PSG11: variants seen among roughly 807,000 people sequenced by gnomAD.
PSG11 encodes the protein pregnancy specific beta-1-glycoprotein 11.
In PSG11, 42 loss-of-function variants were observed where a neutral mutation model predicts 36.0. That is an observed-to-expected ratio of 1.17 (90% CI 0.91 to 1.51). The LOEUF (loss-of-function observed/expected upper bound fraction) is 1.51. PSG11 is among the 40% of genes most tolerant of loss of function. The pLI is 0.00. For synonymous variants in PSG11, 206 were observed against 153.5 expected (o/e 1.34, Z -2.53); for missense variants, 558 against 403.5 (o/e 1.38, Z -3.28).
intron 3 of PSG11, chr19:43,015,654 G>T: frequency 6.5e-7 from 1 of 1,528,294 alleles, no homozygotes; most frequent in Non-Finnish European, 8.8e-7. Flanking sequence ...TGGCCACCTC[G>T]GATGTCCAAA....
chr19:43,014,790 A>T (rs6509053), intron 4 of PSG11: 581,772 of 1,198,840 alleles, frequency 0.49, 152,000 homozygotes, highest in East Asian at 1. Flanking sequence ...GAAGGGGATG[A>T]GTTGGTGACA....
chr19:43,008,157 A>G (rs971395554), intron 5 of PSG11, 115 bp from the exon 6 acceptor site: 17 of 291,330 alleles, frequency 5.8e-5, no homozygotes, highest in African/African-American at 3.1e-4. Context: ...AAATCTAATG[A>G]GAATTTATTA....
chr19:43,009,257 C>T (rs1974011026), intron 5 of PSG11, among the ~76,000 whole-genome samples: 1 of 151,262 alleles, frequency 6.6e-6, no homozygotes, highest in African/African-American at 2.4e-5. Flanking sequence ...AGTCTTTGTT[C>T]TCCACGAGGT....
At chr19:43,014,678 G>A (rs1966912993) in intron 4 of PSG11, 1 of 1,173,586 alleles carries the variant, frequency 8.5e-7, no homozygotes, top group African/African-American at 1.6e-5. Flanking sequence ...CTCACCCAAG[G>A]GGCTTCCTCC....
chr19:43,019,296 G>A, intron 2 of PSG11: 1 of 806,188 alleles, frequency 1.2e-6, no homozygotes. Context: ...TTGGGTCATG[G>A]AAAGACACAG....
At chr19:43,018,051 T>C (rs933981180) in intron 3 of PSG11, among the ~76,000 whole-genome samples, 11 of 151,214 alleles carry the variant, frequency 7.3e-5, no homozygotes, top group African/African-American at 2.7e-4. Flanking sequence ...CAGGTGGCTC[T>C]TCCCTGATAG....
rs746811997 is a variant in PSG11, at chr19:43,014,578, A to T, written c.964+538T>A. ...GGCCACCAGGACTCTTTCTCCACAC[A>T]TGCTGGTCCCACCCCAGGTTGAGTG... On this transcript the variant is annotated intron_variant, in intron 4 of 5. Coordinates refer to ENST00000320078, the MANE Select transcript of PSG11 (RefSeq NM_002785.3). 7.9e-4 allele frequency: 798 copies of T among 1,007,060 alleles called. 25 individuals carry two copies. The highest frequency in any genetic ancestry group is 9.3e-4 in the Non-Finnish European group (783 of 841,966). 62.4% of individuals were successfully genotyped at this position (1,007,060 alleles called of 1,614,324 possible).
chr19:43,022,251 A>G (rs1225023552), intron 2 of PSG11, among the ~76,000 whole-genome samples: 5 of 151,446 alleles, frequency 3.3e-5, no homozygotes, highest in African/African-American at 9.7e-5. Flanking sequence ...TAACATCACT[A>G]TTGTAGAACG....
intron 2 of PSG11, among the ~76,000 whole-genome samples, chr19:43,024,271 C>G (rs970540205): frequency 6.6e-6 from 1 of 151,340 alleles, no homozygotes; most frequent in African/African-American, 2.4e-5. Context: ...TCAGCTTTAT[C>G]TGGAACAAGG....
chr19:43,018,694 G>A (rs59601362), intron 3 of PSG11, 76 bp downstream of exon 3: 1 of 1,609,902 alleles, frequency 6.2e-7, no homozygotes, highest in Non-Finnish European at 8.5e-7. Context: ...GACCTGAGAG[G>A]GACTGAGAGG....
chr19:43,014,942 A>T, intron 4 of PSG11, 174 bp downstream of exon 4: 1 of 1,488,444 alleles, frequency 6.7e-7, no homozygotes, highest in Non-Finnish European at 9.0e-7. Context: ...AAACAGAAAA[A>T]AAAGGAGAAG....
rs1361161273 is a variant in PSG11, at chr19:43,024,463, C to A, written c.430+228G>T. On this transcript the variant is annotated intron_variant, in intron 2 of 5. Coordinates refer to ENST00000320078, the MANE Select transcript of PSG11 (RefSeq NM_002785.3). ...CCTCCTGCTGAGTCCCCCCATCAGA[C>A]TGTCCTTCCTCTGCAGCGAGTGTCT... The A allele has an allele frequency of 3.3e-6, 2 of 614,596 alleles. 1 individual carries two copies. The highest frequency in any genetic ancestry group is 5.7e-6 in the Non-Finnish European group (2 of 351,240). 38.1% of individuals were successfully genotyped at this position (614,596 alleles called of 1,614,324 possible).
At chr19:43,011,893 C>T (rs1047944463) in intron 4 of PSG11, among the ~76,000 whole-genome samples, 7 of 142,558 alleles carry the variant, frequency 4.9e-5, no homozygotes, top group African/African-American at 1.8e-4. Context: ...GAGAGTCTGT[C>T]TCTCTCTCTT....
At chr19:43,018,511 G>A in intron 3 of PSG11, 1 of 833,268 alleles carries the variant, frequency 1.2e-6, no homozygotes, top group Non-Finnish European at 1.8e-6. Context: ...CACTGATCTG[G>A]AGCCTGAGAC....
At chr19:43,022,458 C>T (rs914111235) in intron 2 of PSG11, among the ~76,000 whole-genome samples, 4 of 151,312 alleles carry the variant, frequency 2.6e-5, no homozygotes, top group Non-Finnish European at 5.9e-5. Flanking sequence ...TAGTCCTGTG[C>T]CCCTGAAACT....
At position 43,023,138 on chromosome 19, in the gene PSG11, T is replaced by G. The variant is rs1353212895; in HGVS notation, c.430+1553A>C. On this transcript the variant is annotated intron_variant, in intron 2 of 5. Coordinates refer to ENST00000320078, the MANE Select transcript of PSG11 (RefSeq NM_002785.3). The stretch of plus-strand genomic sequence containing the variant: ...AGAACCCTCTGGTGGCCAAAGAGCT[T>G]CAGAGTTACATGAGGTGGGGTGGCT... 1.3e-5 allele frequency among the ~76,000 whole-genome samples: 2 copies of G among 150,106 alleles called. 1 individual carries two copies. The highest frequency in any genetic ancestry group is 3.9e-4 in the East Asian group (2 of 5,100).
At position 43,015,637 on chromosome 19, in the gene PSG11, G is replaced by A. The variant is rs1966944129; in HGVS notation, c.710-267C>T. ...GTCTACCCAAGTTTTCCCAGGGCAG[G>A]GAGTCATGGCCACCTCGGATGTCCA... On this transcript the variant is annotated intron_variant, in intron 3 of 5. Transcript: ENST00000320078. The A allele has an allele frequency of 1.3e-6, 2 of 1,497,638 alleles. 1 individual carries two copies. Among genetic ancestry groups the A allele is most frequent in the Non-Finnish European group, 1.8e-6 (2 of 1,120,100 alleles). 92.8% of individuals were successfully genotyped at this position (1,497,638 alleles called of 1,614,324 possible).
intron 4 of PSG11, among the ~76,000 whole-genome samples, chr19:43,012,344 A>C (rs1231828450): frequency 6.6e-6 from 1 of 151,476 alleles, no homozygotes; most frequent in Non-Finnish European, 1.5e-5. Context: ...ATTGGAAGGA[A>C]GGAGTAAAAT....
rs1248480753 is a variant in PSG11, at chr19:43,007,774, C to T, written c.*309G>A. On this transcript the variant is annotated 3_prime_UTR_variant, in exon 6 of 6. Transcript: ENST00000320078. ...TTCAATTTTTGTTTACAAAAGTATA[C>T]TTTACCAATTGCTGAAGAAAAAAAT... 3.9e-6 allele frequency: 1 copy of T among 258,814 alleles called. No individual in the cohort carries two copies. The highest frequency in any genetic ancestry group is 5.6e-5 in the Admixed American group (1 of 17,958). 16.0% of individuals were successfully genotyped at this position (258,814 alleles called of 1,614,324 possible).
Sources: gnomAD v4.1 joint callset for allele counts (sites outside exome capture counted in the v4.1 genomes callset) on GRCh38, gnomAD v4.1.1 for gene constraint, MANE v1.5 for transcripts, NCBI Gene and HGNC (gene_info 2026-07-23, HGNC 2026-07-21) for gene names.